ENAM: variants seen among roughly 807,000 people sequenced by gnomAD.
The protein encoded by ENAM is enamelin.
ENAM carries 21 observed loss-of-function variants against 33.6 expected under a neutral mutation model. The ratio of observed to expected loss-of-function variants is 0.63; its 90% CI spans 0.44 to 0.90. The LOEUF (loss-of-function observed/expected upper bound fraction) is 0.90. Among genes scored for constraint, ENAM ranks in the 40% least tolerant of loss-of-function variants. The probability of loss-of-function intolerance (pLI) is 0.00; values close to 1 mark genes in which losing one functional copy is unlikely to be tolerated. For missense variants in ENAM, 1,388 were observed against 1,366.9 expected (o/e 1.02, Z -0.24); for synonymous variants, 473 against 468.4 (o/e 1.01, Z -0.13).
intron 8 of ENAM, among the ~76,000 whole-genome samples, chr4:70,639,463 G>A (rs1382573849): frequency 6.6e-6 from 1 of 152,038 alleles, no homozygotes; most frequent in East Asian, 1.9e-4. Context: ...GGTGGTGCTG[G>A]CCTGTAATCC....
In ENAM at chr4:70,644,968, C is replaced by A; in HGVS notation, c.*113C>A. On this transcript the variant is annotated 3_prime_UTR_variant, in exon 9 of 9. Transcript: ENST00000396073. ...TTAAGTGTCTGACTGTCTTGGTGATCCTTAAGTTTTCTCCCCTCTCAGCAA... is the reference window on the plus strand; with the variant it reads ...TTAAGTGTCTGACTGTCTTGGTGATACTTAAGTTTTCTCCCCTCTCAGCAA... 1 of 902,526 alleles carries A rather than the reference C, an allele frequency of 1.1e-6. No homozygotes were observed. Among genetic ancestry groups the A allele is most frequent in the Non-Finnish European group, 1.8e-6 (1 of 558,208 alleles). 55.9% of individuals were successfully genotyped at this position (902,526 alleles called of 1,614,324 possible). A position where few individuals can be genotyped will look rare whatever the true frequency, so the allele number is the denominator to read the frequency against.
chr4:70,635,048 C>T (rs1738416512), intron 6 of ENAM, among the ~76,000 whole-genome samples: 1 of 152,170 alleles, frequency 6.6e-6, no homozygotes, highest in African/African-American at 2.4e-5. Flanking sequence ...AATGGTTTCT[C>T]AAGATCTCAT....
intron 6 of ENAM, among the ~76,000 whole-genome samples, chr4:70,635,268 T>C (rs1428895744): frequency 6.6e-6 from 1 of 152,058 alleles, no homozygotes; most frequent in African/African-American, 2.4e-5. Flanking sequence ...TCCCAGCTAT[T>C]CAGGAGGCTG....
intron 6 of ENAM, among the ~76,000 whole-genome samples, chr4:70,635,191 AC>A (rs1354920559): frequency 1.3e-5 from 2 of 152,160 alleles, no homozygotes; most frequent in African/African-American, 4.8e-5. Context: ...AGCCTGGCCA[AC>A]ATGGTGAAAC....
chr4:70,630,849 C>A (rs1313025857), intron 2 of ENAM, among the ~76,000 whole-genome samples: 1 of 151,752 alleles, frequency 6.6e-6, no homozygotes, highest in Admixed American at 6.6e-5. Flanking sequence ...TCAAGCGATT[C>A]TCCTGCCTCA....
intron 7 of ENAM, 194 bp from the exon 8 acceptor site, chr4:70,637,596 A>G (rs1182381232): frequency 3.3e-6 from 2 of 614,710 alleles, no homozygotes; most frequent in African/African-American, 3.7e-5. Context: ...CTTTGTATTT[A>G]CCAGTATTCA....
At chr4:70,630,903 G>C (rs1485365575) in intron 2 of ENAM, among the ~76,000 whole-genome samples, 1 of 151,914 alleles carries the variant, frequency 6.6e-6, no homozygotes, top group Non-Finnish European at 1.5e-5. Context: ...CACCACACCC[G>C]GCTAATTTTT....
chr4:70,630,359 A>T (rs1207378788), intron 2 of ENAM, among the ~76,000 whole-genome samples: 1 of 152,208 alleles, frequency 6.6e-6, no homozygotes, highest in Non-Finnish European at 1.5e-5. Flanking sequence ...GAAAGAATGA[A>T]AGGAATGAAA....
At chr4:70,633,896 G>T (rs769770416) in intron 5 of ENAM, among the ~76,000 whole-genome samples, 1 of 151,788 alleles carries the variant, frequency 6.6e-6, no homozygotes, top group East Asian at 1.9e-4. Flanking sequence ...TTTGTTTACA[G>T]TCTCACTTCC....
chr4:70,644,647 C>T lies in ENAM; in HGVS notation c.3221C>T (p.Ser1074Phe). 6.2e-7 allele frequency: 1 copy of T among 1,614,110 alleles called. No individual in the cohort carries two copies. The highest frequency in any genetic ancestry group is 1.3e-5 in the African/African-American group (1 of 75,062). Residue 1074 changes from serine (S) to phenylalanine (F), a missense_variant, in exon 9 of 9, where the codon TCT (serine) becomes TTT (phenylalanine). Transcript: ENST00000396073. ...CACTCTTCCACCACCGGAACTCCAT[C>T]TAGCGATGGAAGGCAAAGCCCATTT... ...KHHSSTTGTP[S>F]SDGRQSPFDG... is the part of the protein sequence containing the mutation.
chr4:70,646,313 A>T lies in ENAM; in HGVS notation c.*1458A>T, dbSNP rs1281251369. On this transcript the variant is annotated 3_prime_UTR_variant, in exon 9 of 9. Coordinates refer to ENST00000396073, the MANE Select transcript of ENAM (RefSeq NM_031889.3). ...CCTAGAGCAGGAAAAAAGTCTCAGA[A>T]TTACCTAAAAACATACTTTATAACT... is the stretch of plus-strand genomic sequence containing the variant. The T allele has an allele frequency of 6.6e-6, 1 of 152,152 alleles. No individual in the cohort carries two copies. The highest frequency in any genetic ancestry group is 2.4e-5 in the African/African-American group (1 of 41,446). The allele number at this position is 152,152 out of a possible 1,614,324, so 9.4% of individuals were successfully genotyped here.
In ENAM at chr4:70,643,445, A is replaced by C. The variant is rs937703590; in HGVS notation, c.2019A>C (p.Glu673Asp). ...EVFPGQNRWG[E>D]ELSFKGGPTV... ...TTCCTGGACAAAATAGATGGGGTGAAGAGTTGAGCTTCAAAGGAGGCCCAA... is the reference window on the plus strand; with the variant it reads ...TTCCTGGACAAAATAGATGGGGTGACGAGTTGAGCTTCAAAGGAGGCCCAA... The change falls in exon 9 of 9, where the codon GAA becomes GAC. Residue 673 changes from glutamate to aspartate, a missense_variant. By Grantham distance (45) the Glu-to-Asp change is conservative (BLOSUM62 2). Coordinates refer to ENST00000396073, the MANE Select transcript of ENAM (RefSeq NM_031889.3). 3 of 1,614,076 alleles carry C rather than the reference A, an allele frequency of 1.9e-6. No individual in the cohort carries two copies. Among genetic ancestry groups the C allele is most frequent in the Non-Finnish European group, 2.5e-6 (3 of 1,180,018 alleles).
Position 70,642,012 on chromosome 4 carries a change from C to T in ENAM, c.589-3C>T. On this transcript the variant is annotated splice_region_variant and splice_polypyrimidine_tract_variant and intron_variant, in intron 8 of 8. Coordinates refer to ENST00000396073, the MANE Select transcript of ENAM (RefSeq NM_031889.3). ...TTATTGATTTCCATTTTCTTTCCTA[C>T]AGAATCCTTACTTTGGATATTTTGG... is the stretch of plus-strand genomic sequence containing the variant. 1 of 1,609,616 alleles carries T rather than the reference C, an allele frequency of 6.2e-7. No individual in the cohort carries two copies. The highest frequency in any genetic ancestry group is 8.5e-7 in the Non-Finnish European group (1 of 1,175,908).
At chr4:70,639,505 G>T (rs1299063120) in intron 8 of ENAM, among the ~76,000 whole-genome samples, 2 of 152,126 alleles carry the variant, frequency 1.3e-5, no homozygotes, top group Non-Finnish European at 2.9e-5. Flanking sequence ...CAGAAGAATC[G>T]CTTGAACCCA....
intron 5 of ENAM, 112 bp from the exon 6 acceptor site, chr4:70,634,196 G>T (rs1222930358): frequency 9.7e-7 from 1 of 1,033,966 alleles, no homozygotes; most frequent in African/African-American, 1.6e-5. Flanking sequence ...GTTAAGTCAA[G>T]TTCCAGGACT....
intron 8 of ENAM, among the ~76,000 whole-genome samples, chr4:70,638,406 T>C (rs2553319): frequency 0.17 from 25,965 of 149,908 alleles, 5,260 homozygotes; most frequent in African/African-American, 0.5. Context: ...CAGTGAACTG[T>C]GGTAACTTAA....
At chr4:70,632,574 C>A in intron 4 of ENAM, 77 bp from the exon 5 acceptor site, 1 of 1,103,274 alleles carries the variant, frequency 9.1e-7, no homozygotes, top group Non-Finnish European at 1.4e-6. Flanking sequence ...AGAAATTTTA[C>A]TTATTTCTTA....
chr4:70,631,856 T>C lies in ENAM; in HGVS notation c.131T>C (p.Met44Thr), dbSNP rs752119015. 20 of 1,614,112 alleles carry C rather than the reference T, an allele frequency of 1.2e-5. No individual in the cohort carries two copies. The highest frequency in any genetic ancestry group is 1.7e-5 in the Non-Finnish European group (20 of 1,179,958). The change falls in exon 4 of 9, where the codon ATG becomes ACG. Residue 44 changes from methionine to threonine, a missense_variant. Physicochemically the swap from Met to Thr is moderately conservative, Grantham distance 81. Coordinates refer to ENST00000396073, the MANE Select transcript of ENAM (RefSeq NM_031889.3). ...LGNSVAMPMH[M>T]PRMPGFSSKS... ...ACATTCTCTTACTTCCAGATGCACATGCCCCGAATGCCTGGATTTAGCAGT... is the reference window on the plus strand; with the variant it reads ...ACATTCTCTTACTTCCAGATGCACACGCCCCGAATGCCTGGATTTAGCAGT...
chr4:70,643,902 G>A lies in ENAM; in HGVS notation c.2476G>A (p.Gly826Ser), dbSNP rs775165261. Reference sequence around the variant, plus strand: ...TCAGAAAAATCCAATATGGCATGAAGGTGAGAATTTGAACTATGGCATGCA... The same window carrying A: ...TCAGAAAAATCCAATATGGCATGAAAGTGAGAATTTGAACTATGGCATGCA... ...GLQKNPIWHE[G>S]ENLNYGMQIT... Residue 826 changes from glycine to serine, a missense_variant, in exon 9 of 9, where the codon GGT becomes AGT. By Grantham distance (56) the Gly-to-Ser change is moderately conservative. Coordinates refer to ENST00000396073, the MANE Select transcript of ENAM (RefSeq NM_031889.3). The A allele has an allele frequency of 6.2e-7, 1 of 1,614,184 alleles. No individual in the cohort carries two copies. Among genetic ancestry groups the A allele is most frequent in the South Asian group, 1.1e-5 (1 of 91,086 alleles).
Sources: gnomAD v4.1 joint callset for allele counts (sites outside exome capture counted in the v4.1 genomes callset) on GRCh38, gnomAD v4.1.1 for gene constraint, MANE v1.5 for transcripts, NCBI Gene and HGNC (gene_info 2026-07-23, HGNC 2026-07-21) for gene names.